RILPL1: variants seen among roughly 807,000 people sequenced by gnomAD.
RILPL1 encodes RILP-like protein 1.
RILPL1 carries 33 observed loss-of-function variants against 50.3 expected under a neutral mutation model. The observed-to-expected ratio is 0.66, with a 90% confidence interval of 0.50 to 0.88. The LOEUF (loss-of-function observed/expected upper bound fraction) is 0.88, where lower values mean the gene tolerates loss of function less well. RILPL1 is among the 40% of genes least tolerant of loss of function. The pLI is 0.00. For synonymous variants in RILPL1, 205 were observed against 228.6 expected (o/e 0.90, Z 0.93); for missense variants, 418 against 542.5 (o/e 0.77, Z 2.28).
At chr12:123,474,900 A>T (rs1881487660) in intron 6 of RILPL1, 1 of 152,208 alleles carries the variant, frequency 6.6e-6, no homozygotes, top group African/African-American at 2.4e-5. Flanking sequence ...TTCTGTGGTT[A>T]CTGGATCCTA....
At chr12:123,483,123 G>A (rs991591413) in intron 6 of RILPL1, among the ~76,000 whole-genome samples, 3 of 152,216 alleles carry the variant, frequency 2.0e-5, no homozygotes, top group African/African-American at 7.2e-5. Flanking sequence ...GTGGGTTTTG[G>A]AGGAAAGAAC....
At chr12:123,479,665 T>G (rs983114873) in intron 6 of RILPL1, among the ~76,000 whole-genome samples, 1 of 152,188 alleles carries the variant, frequency 6.6e-6, no homozygotes, top group Non-Finnish European at 1.5e-5. Flanking sequence ...TGTGCCAGTT[T>G]GCTCTCCCAG....
At chr12:123,514,427 TTAA>T (rs1566139184) in intron 2 of RILPL1, 3 of 146,024 alleles carry the variant, frequency 2.1e-5, no homozygotes, top group African/African-American at 7.3e-5. Context: ...TGTCATGATT[TTAA>T]AAAAAAAAAT....
intron 2 of RILPL1, among the ~76,000 whole-genome samples, chr12:123,506,401 T>C (rs1883754424): frequency 6.6e-6 from 1 of 152,136 alleles, no homozygotes; most frequent in Non-Finnish European, 1.5e-5. Flanking sequence ...AACAGGAGCC[T>C]CAGGGTCTCA....
At chr12:123,501,663 G>T (rs1883394739) in intron 2 of RILPL1, among the ~76,000 whole-genome samples, 1 of 151,076 alleles carries the variant, frequency 6.6e-6, no homozygotes. Context: ...GGGAGGCTGA[G>T]GCAGGAGACT....
Position 123,533,516 on chromosome 12 carries a change from A to G in RILPL1, c.-34T>C. On this transcript the variant is annotated 5_prime_UTR_variant, in exon 1 of 7. Coordinates refer to ENST00000376874, the MANE Select transcript of RILPL1 (RefSeq NM_178314.5). The surrounding 1 kb of genome is among the most constrained non-coding windows in gnomAD (Gnocchi z 6.2). Reference sequence around the variant, plus strand: ...TCCTGGCCTGTCCCCCGCCCCGCAAACTCGTGCAACTCCCAAACTTGCCGC... The same window carrying G: ...TCCTGGCCTGTCCCCCGCCCCGCAAGCTCGTGCAACTCCCAAACTTGCCGC... 6.9e-7 allele frequency: 1 copy of G among 1,452,756 alleles called. No individual in the cohort carries two copies. The highest frequency in any genetic ancestry group is 9.1e-7 in the Non-Finnish European group (1 of 1,096,160). 90.0% of individuals were successfully genotyped at this position (1,452,756 alleles called of 1,614,324 possible).
intron 2 of RILPL1, among the ~76,000 whole-genome samples, chr12:123,521,706 TATAA>T (rs1272328349): frequency 1.6e-5 from 2 of 121,496 alleles, no homozygotes; most frequent in African/African-American, 6.1e-5. Context: ...TGTATATATA[TATAA>T]ATATATATAT....
At chr12:123,525,555 G>C (rs1302319098) in intron 1 of RILPL1, among the ~76,000 whole-genome samples, 1 of 151,250 alleles carries the variant, frequency 6.6e-6, no homozygotes, top group African/African-American at 2.4e-5. Flanking sequence ...CAAAAAATTA[G>C]CCGGGTGTGG....
In RILPL1 at chr12:123,522,899, G is replaced by A. The variant is rs936148586; in HGVS notation, c.460+596C>T. Among the ~76,000 whole-genome samples the A allele has an allele frequency of 1.3e-5, 2 of 152,088 alleles. No homozygotes were observed. Among genetic ancestry groups the A allele is most frequent in the Admixed American group, 6.5e-5 (1 of 15,270 alleles). ...TGAGCCACTGCGCGCGGCCTACACC[G>A]GCCTTCTTGGTTTCCCCCAAATGCT... On this transcript the variant is annotated intron_variant, in intron 2 of 6. Coordinates refer to ENST00000376874, the MANE Select transcript of RILPL1 (RefSeq NM_178314.5). The surrounding 1 kb of genome is among the most constrained non-coding windows in gnomAD (Gnocchi z 4.0).
chr12:123,516,598 C>T (rs1884710236), intron 2 of RILPL1, among the ~76,000 whole-genome samples: 1 of 152,234 alleles, frequency 6.6e-6, no homozygotes, highest in Admixed American at 6.5e-5. Context: ...CTGACCTAAA[C>T]AGTTCTGGGC....
intron 1 of RILPL1, among the ~76,000 whole-genome samples, chr12:123,528,233 G>A (rs1383495505): frequency 6.6e-6 from 1 of 151,614 alleles, no homozygotes; most frequent in Admixed American, 6.6e-5. Context: ...GGTGGCACAT[G>A]CCTGCAGTTG....
intron 2 of RILPL1, among the ~76,000 whole-genome samples, chr12:123,521,341 C>T (rs1412168392): frequency 6.6e-6 from 1 of 151,760 alleles, no homozygotes; most frequent in Non-Finnish European, 1.5e-5. Context: ...AGGACTCAAA[C>T]CTGGGCCGCC....
intron 1 of RILPL1, among the ~76,000 whole-genome samples, chr12:123,527,941 CAGTG>C (rs1439318783): frequency 6.6e-6 from 1 of 152,294 alleles, no homozygotes; most frequent in Middle Eastern, 3.4e-3. Flanking sequence ...GATTTGAACT[CAGTG>C]AGAGCCATTT....
At chr12:123,529,872 T>TAAA (rs1885387977) in intron 1 of RILPL1, among the ~76,000 whole-genome samples, 2 of 35,856 alleles carry the variant, frequency 5.6e-5, no homozygotes. Flanking sequence ...CGTCCCTGAC[T>TAAA]CAAAAAAAAA....
At chr12:123,530,258 C>T (rs947456396) in intron 1 of RILPL1, among the ~76,000 whole-genome samples, 1 of 152,062 alleles carries the variant, frequency 6.6e-6, no homozygotes, top group African/African-American at 2.4e-5. Context: ...CTCTGCCTCC[C>T]GGGTTCAAGC....
At chr12:123,494,416 C>T (rs1336797232) in intron 4 of RILPL1, among the ~76,000 whole-genome samples, 1 of 152,200 alleles carries the variant, frequency 6.6e-6, no homozygotes, top group Non-Finnish European at 1.5e-5. Flanking sequence ...ATTTTACTCC[C>T]TCCTCTCTTC....
intron 1 of RILPL1, among the ~76,000 whole-genome samples, chr12:123,530,634 T>C (rs575763243): frequency 1.3e-5 from 2 of 152,386 alleles, no homozygotes; most frequent in African/African-American, 4.8e-5. Context: ...TCAGTAAATA[T>C]ATTCGCTGAA....
At chr12:123,472,911 C>G (rs1369630232) in intron 6 of RILPL1, 3 of 516,440 alleles carry the variant, frequency 5.8e-6, no homozygotes, top group African/African-American at 3.8e-5. Context: ...ATGGGCAAGG[C>G]ATGCATGCTG....
intron 1 of RILPL1, among the ~76,000 whole-genome samples, chr12:123,524,440 G>C (rs1237234628): frequency 6.6e-6 from 1 of 152,152 alleles, no homozygotes; most frequent in Non-Finnish European, 1.5e-5. Context: ...CCTTGGATCG[G>C]CTCAAGAGGT....
Sources: gnomAD v4.1 joint callset for allele counts (sites outside exome capture counted in the v4.1 genomes callset) on GRCh38, gnomAD v4.1.1 for gene constraint, Gnocchi (gnomAD v3.1) non-coding constraint, MANE v1.5 for transcripts, NCBI Gene and HGNC (gene_info 2026-07-23, HGNC 2026-07-21) for gene names.